Variants in PHACTR4 observed in about 807,000 individuals in gnomAD.
PHACTR4 encodes the protein protein phosphatase 1, regulatory subunit 124.
Under a neutral mutation model 72.7 loss-of-function variants are expected in PHACTR4, and 51 were observed. The ratio of observed to expected loss-of-function variants is 0.70; its 90% CI spans 0.56 to 0.89. PHACTR4 has a LOEUF of 0.89. Among genes scored for constraint, PHACTR4 ranks in the 40% least tolerant of loss-of-function variants. The pLI is 0.00. For synonymous variants in PHACTR4, 255 were observed against 302.5 expected (o/e 0.84, Z 1.63); for missense variants, 731 against 861.8 (o/e 0.85, Z 1.90).
At chr1:28,422,606 T>G (rs1384480849) in intron 2 of PHACTR4, 1 of 152,186 alleles carries the variant, frequency 6.6e-6, no homozygotes, top group Non-Finnish European at 1.5e-5. Context: ...AAAGAAATCT[T>G]AAGTGGTTGT....
chr1:28,430,028 C>CT lies in PHACTR4; in HGVS notation c.16+22577dup, dbSNP rs1226890583. Among the ~76,000 whole-genome samples, 372 of 144,854 alleles carry CT rather than the reference C, an allele frequency of 2.6e-3. 1 individual carries two copies. Among genetic ancestry groups the CT allele is most frequent in the African/African-American group, 5.1e-3 (204 of 39,846 alleles). On this transcript the variant is annotated intron_variant, in intron 2 of 13. Coordinates refer to ENST00000373839, the MANE Select transcript of PHACTR4 (RefSeq NM_001048183.3). ...CTCCTATGGCTGACTCTTTCAGGTTCTTTTTTTTTTTTGAGACAGAGTCTC... is the reference window on the plus strand; with the variant it reads ...CTCCTATGGCTGACTCTTTCAGGTTCTTTTTTTTTTTTTGAGACAGAGTCTC...
chr1:28,411,621 G>A (rs543986162), intron 2 of PHACTR4, among the ~76,000 whole-genome samples: 4 of 152,264 alleles, frequency 2.6e-5, no homozygotes, highest in African/African-American at 9.6e-5. Flanking sequence ...TTGGTGGAGT[G>A]AGAATTTTGT....
rs1450210747 is a variant in PHACTR4, at chr1:28,459,069, T to A, written c.17-16T>A. The stretch of plus-strand genomic sequence containing the variant: ...AATACATTTGCTTCCTTCCCTCTCT[T>A]CTTTTCATGTAACAGAGGAAGCAGA... On this transcript the variant is annotated splice_polypyrimidine_tract_variant and intron_variant, in intron 2 of 13. Transcript: ENST00000373839. 6.3e-7 allele frequency: 1 copy of A among 1,581,154 alleles called. No individual in the cohort carries two copies. Among genetic ancestry groups the A allele is most frequent in the Non-Finnish European group, 8.6e-7 (1 of 1,163,816 alleles).
intron 1 of PHACTR4, among the ~76,000 whole-genome samples, chr1:28,393,786 G>C (rs1653250319): frequency 6.6e-6 from 1 of 151,976 alleles, no homozygotes; most frequent in South Asian, 2.1e-4. Flanking sequence ...GCTCACTGCA[G>C]CCTTGACCTC....
chr1:28,474,256 A>G, intron 7 of PHACTR4, 105 bp downstream of exon 7: 2 of 1,084,762 alleles, frequency 1.8e-6, no homozygotes, highest in South Asian at 3.1e-5. Context: ...CTAGTGGCCC[A>G]CACCTGTAAG....
At chr1:28,456,799 G>C (rs1658414551) in intron 2 of PHACTR4, among the ~76,000 whole-genome samples, 1 of 150,664 alleles carries the variant, frequency 6.6e-6, no homozygotes, top group Admixed American at 6.6e-5. Flanking sequence ...TGAGGCAGAG[G>C]ATTGCTTGAG....
intron 2 of PHACTR4, among the ~76,000 whole-genome samples, chr1:28,458,457 C>G (rs1318129390): frequency 6.6e-6 from 1 of 152,034 alleles, no homozygotes; most frequent in South Asian, 2.1e-4. Flanking sequence ...CTATGATTGT[C>G]TCTAAGGCAC....
chr1:28,407,708 TTAAAAA>T (rs1470081853), intron 2 of PHACTR4, among the ~76,000 whole-genome samples: 1 of 152,212 alleles, frequency 6.6e-6, no homozygotes, highest in East Asian at 1.9e-4. Flanking sequence ...CTGAGAAACT[TTAAAAA>T]TATTAATTTG....
intron 2 of PHACTR4, among the ~76,000 whole-genome samples, chr1:28,447,820 A>G (rs143188475): frequency 9.3e-4 from 142 of 152,234 alleles, no homozygotes; most frequent in African/African-American, 3.2e-3. Flanking sequence ...CCACCTGACT[A>G]TCTTCTCCTG....
chr1:28,431,196 A>AAAAT (rs1553191638), intron 2 of PHACTR4, among the ~76,000 whole-genome samples: 9 of 128,294 alleles, frequency 7.0e-5, no homozygotes, highest in African/African-American at 2.6e-4. Context: ...AAAAAACCAA[A>AAAAT]ATATATATAT....
intron 1 of PHACTR4, among the ~76,000 whole-genome samples, chr1:28,381,423 C>T (rs577571683): frequency 1.3e-5 from 2 of 151,600 alleles, no homozygotes; most frequent in African/African-American, 2.4e-5. Context: ...CTTAGCCTCC[C>T]GAGTAGCTGG....
chr1:28,388,698 A>C (rs1652768115), intron 1 of PHACTR4, among the ~76,000 whole-genome samples: 1 of 152,086 alleles, frequency 6.6e-6, no homozygotes, highest in Non-Finnish European at 1.5e-5. Context: ...AAAAATACAA[A>C]AATTAGCTGG....
At chr1:28,423,372 A>G (rs954144163) in intron 2 of PHACTR4, among the ~76,000 whole-genome samples, 3 of 151,930 alleles carry the variant, frequency 2.0e-5, no homozygotes, top group African/African-American at 7.3e-5. Flanking sequence ...TCATATCACT[A>G]CACTCCAGCC....
At chr1:28,465,383 C>T (rs1393266594) in intron 4 of PHACTR4, among the ~76,000 whole-genome samples, 6 of 152,048 alleles carry the variant, frequency 3.9e-5, no homozygotes, top group Non-Finnish European at 8.8e-5. Flanking sequence ...TGGCGTGAAC[C>T]CGGGAGGCAG....
At chr1:28,466,336 T>C (rs780966521) in intron 5 of PHACTR4, 46 bp from the exon 6 acceptor site, 3 of 1,547,996 alleles carry the variant, frequency 1.9e-6, no homozygotes, top group Non-Finnish European at 2.6e-6. Flanking sequence ...TCAGTTTCTC[T>C]TGTTACTCTC....
intron 2 of PHACTR4, among the ~76,000 whole-genome samples, chr1:28,449,435 A>G (rs767108321): frequency 5.3e-5 from 8 of 152,224 alleles, no homozygotes; most frequent in Non-Finnish European, 8.8e-5. Flanking sequence ...ATCCTGTTTT[A>G]TCTCATATCT....
chr1:28,397,345 T>C (rs929150754), intron 1 of PHACTR4, among the ~76,000 whole-genome samples: 2 of 152,234 alleles, frequency 1.3e-5, no homozygotes, highest in Non-Finnish European at 2.9e-5. Flanking sequence ...TATTATCTTT[T>C]GTAACCAAAA....
intron 2 of PHACTR4, among the ~76,000 whole-genome samples, chr1:28,419,747 A>G (rs1655390535): frequency 6.6e-6 from 1 of 152,200 alleles, no homozygotes; most frequent in Non-Finnish European, 1.5e-5. Flanking sequence ...AGGATAATGT[A>G]TTTTTATTCT....
chr1:28,456,279 A>T (rs999735290), intron 2 of PHACTR4, among the ~76,000 whole-genome samples: 1 of 152,188 alleles, frequency 6.6e-6, no homozygotes, highest in Admixed American at 6.5e-5. Flanking sequence ...GGAACAAGAG[A>T]GCAAAGAGGG....
Sources: gnomAD v4.1 joint callset for allele counts (sites outside exome capture counted in the v4.1 genomes callset) on GRCh38, gnomAD v4.1.1 for gene constraint, MANE v1.5 for transcripts, NCBI Gene and HGNC (gene_info 2026-07-23, HGNC 2026-07-21) for gene names.